Variants in RORB observed in about 807,000 individuals in gnomAD.
RORB encodes nuclear receptor ROR-beta.
Under a neutral mutation model 59.1 loss-of-function variants are expected in RORB, and 6 were observed. The ratio of observed to expected loss-of-function variants is 0.10; its 90% CI spans 0.06 to 0.20. The LOEUF (loss-of-function observed/expected upper bound fraction) is 0.20. RORB is among the 10% of genes least tolerant of loss of function. The pLI, the probability that RORB is intolerant of heterozygous loss-of-function variation, is 1.00. For synonymous variants in RORB, 215 were observed against 204.5 expected, an observed-to-expected ratio of 1.05 and a Z score of -0.44; for missense variants, 320 against 560.5, an observed-to-expected ratio of 0.57 and a Z score of 4.33.
At chr9:74,655,083 T>G (rs1425800733) in intron 4 of RORB, among the ~76,000 whole-genome samples, 4 of 152,210 alleles carry the variant, frequency 2.6e-5, no homozygotes, top group Non-Finnish European at 5.9e-5. Flanking sequence ...GTTTTTCTCT[T>G]TCCTCTATAT....
Position 74,628,275 on chromosome 9 carries a change from G to T in RORB, c.8-2007G>T, listed in dbSNP as rs186527071. Among the ~76,000 whole-genome samples the T allele has an allele frequency of 1.1e-4, 16 of 152,264 alleles. No homozygotes were observed. In the East Asian group the frequency reaches 1.7e-3, roughly 17 times the overall value. ...TAGAAATGTATACTTAGTCTCATAA[G>T]TATTTTAGAGGTGACTTTGTCTCTT... On this transcript the variant is annotated intron_variant, in intron 1 of 9. Transcript: ENST00000376896.
intron 2 of RORB, among the ~76,000 whole-genome samples, chr9:74,634,078 T>TAAAA (rs57659935): frequency 7.1e-6 from 1 of 141,636 alleles, no homozygotes; most frequent in African/African-American, 2.6e-5. Flanking sequence ...CTCAAAAAGT[T>TAAAA]AAAAAAAAAA....
chr9:74,659,573 C>T (rs1369426541), intron 4 of RORB, among the ~76,000 whole-genome samples: 2 of 152,104 alleles, frequency 1.3e-5, no homozygotes. Context: ...TTGGTGTGAC[C>T]TCCACCTCCC....
chr9:74,650,017 C>T (rs867856811), intron 4 of RORB, among the ~76,000 whole-genome samples: 4 of 152,158 alleles, frequency 2.6e-5, no homozygotes, highest in Non-Finnish European at 4.4e-5. Context: ...ACCACCACCA[C>T]CAACAACAAC....
chr9:74,562,193 T>C (rs569638554), intron 1 of RORB, among the ~76,000 whole-genome samples: 1 of 152,336 alleles, frequency 6.6e-6, no homozygotes, highest in East Asian at 1.9e-4. Flanking sequence ...AAATGCTGTA[T>C]GTATTTCAGT....
chr9:74,558,103 A>G (rs1467142490), intron 1 of RORB, among the ~76,000 whole-genome samples: 2 of 152,164 alleles, frequency 1.3e-5, no homozygotes, highest in Non-Finnish European at 2.9e-5. Context: ...ATTAATATTT[A>G]CTTTATGTAA....
intron 1 of RORB, among the ~76,000 whole-genome samples, chr9:74,522,048 A>G (rs1486251762): frequency 6.6e-6 from 1 of 151,910 alleles, no homozygotes; most frequent in East Asian, 1.9e-4. Flanking sequence ...ACATTCAATG[A>G]AAATGTATTG....
intron 1 of RORB, among the ~76,000 whole-genome samples, chr9:74,549,842 T>C (rs1018562011): frequency 2.0e-5 from 3 of 151,978 alleles, no homozygotes; most frequent in South Asian, 2.1e-4. Flanking sequence ...GATTCTCCTG[T>C]CTTAGCCTCC....
At chr9:74,680,032 G>A (rs1163502511) in intron 9 of RORB, among the ~76,000 whole-genome samples, 1 of 152,080 alleles carries the variant, frequency 6.6e-6, no homozygotes, top group Non-Finnish European at 1.5e-5. Flanking sequence ...GAACCCGGGA[G>A]GTGGAAGTTG....
At chr9:74,616,896 T>C (rs1823321357) in intron 1 of RORB, among the ~76,000 whole-genome samples, 1 of 152,052 alleles carries the variant, frequency 6.6e-6, no homozygotes, top group Non-Finnish European at 1.5e-5. Context: ...AACAAATGTG[T>C]TTTTACATTT....
chr9:74,497,921 G>A lies in RORB; in HGVS notation c.-56G>A, dbSNP rs956361939. ...GCTGAGCGGGATTTTTGGGCTCTCC[G>A]GGGTTCGGGCTGGGAGCAGCTTCAT... On this transcript the variant is annotated 5_prime_UTR_variant, in exon 1 of 10. Coordinates refer to ENST00000376896, the MANE Select transcript of RORB (RefSeq NM_006914.4). The A allele has an allele frequency of 1.2e-6, 2 of 1,604,150 alleles. No homozygotes were observed. The highest frequency in any genetic ancestry group is 1.7e-6 in the Non-Finnish European group (2 of 1,175,292).
At chr9:74,511,555 C>T (rs896892607) in intron 1 of RORB, among the ~76,000 whole-genome samples, 3 of 150,258 alleles carry the variant, frequency 2.0e-5, no homozygotes, top group Non-Finnish European at 4.4e-5. Context: ...GCGGCTAGGG[C>T]AGGAGTTCAA....
chr9:74,572,343 T>C (rs2118230219), intron 1 of RORB, among the ~76,000 whole-genome samples: 1 of 152,268 alleles, frequency 6.6e-6, no homozygotes, highest in South Asian at 2.1e-4. Flanking sequence ...ATAATCCTTA[T>C]TTGACTATGA....
At chr9:74,654,398 A>T (rs1342236361) in intron 4 of RORB, among the ~76,000 whole-genome samples, 1 of 149,736 alleles carries the variant, frequency 6.7e-6, no homozygotes, top group African/African-American at 2.5e-5. Flanking sequence ...AATTTCTAGG[A>T]TTATTTAGAT....
intron 1 of RORB, among the ~76,000 whole-genome samples, chr9:74,554,878 A>G (rs1304912848): frequency 1.3e-5 from 2 of 152,204 alleles, no homozygotes; most frequent in Non-Finnish European, 2.9e-5. Flanking sequence ...TCTCCTTTCT[A>G]TAGTTGTAAA....
At chr9:74,548,116 T>G (rs1479572060) in intron 1 of RORB, among the ~76,000 whole-genome samples, 1 of 152,176 alleles carries the variant, frequency 6.6e-6, no homozygotes, top group Non-Finnish European at 1.5e-5. Context: ...TGACTCCCCA[T>G]GTTTTTTAGC....
intron 1 of RORB, among the ~76,000 whole-genome samples, chr9:74,556,223 C>T (rs889228868): frequency 3.3e-5 from 5 of 152,114 alleles, no homozygotes; most frequent in Admixed American, 1.3e-4. Flanking sequence ...AAGACGGAAG[C>T]ATTATATGAA....
chr9:74,540,061 C>T (rs1248661778), intron 1 of RORB, among the ~76,000 whole-genome samples: 1 of 152,052 alleles, frequency 6.6e-6, no homozygotes, highest in Non-Finnish European at 1.5e-5. Context: ...GAATTTACAA[C>T]CTTCGCACCT....
At chr9:74,661,064 T>A (rs1824172430) in intron 5 of RORB, among the ~76,000 whole-genome samples, 1 of 152,206 alleles carries the variant, frequency 6.6e-6, no homozygotes, top group South Asian at 2.1e-4. Context: ...CTTGCTGACT[T>A]CTTGGGTGGA....
Sources: allele counts gnomAD v4.1 joint callset (sites outside exome capture counted in the v4.1 genomes callset), GRCh38; gene constraint gnomAD v4.1.1; transcripts MANE v1.5; gene names NCBI Gene and HGNC (gene_info 2026-07-23, HGNC 2026-07-21).